The following WASF2 variants were observed in gnomAD, a reference collection of about 807,000 sequenced individuals.
WASF2 encodes the protein WASP family member 2.
Under a neutral mutation model 45.0 loss-of-function variants are expected in WASF2, and 14 were observed. The observed-to-expected ratio is 0.31, with a 90% confidence interval of 0.21 to 0.49. WASF2 has a LOEUF of 0.49. Among genes scored for constraint, WASF2 ranks in the 20% least tolerant of loss-of-function variants. The probability of loss-of-function intolerance (pLI) is 0.99; values close to 1 mark genes in which losing one functional copy is unlikely to be tolerated. For synonymous variants in WASF2, 200 were observed against 236.3 expected, an observed-to-expected ratio of 0.85 and a Z score of 1.41; for missense variants, 439 against 636.1, an observed-to-expected ratio of 0.69 and a Z score of 3.33.
intron 1 of WASF2, among the ~76,000 whole-genome samples, chr1:27,453,348 T>C (rs1359558755): frequency 2.6e-5 from 4 of 152,014 alleles, no homozygotes; most frequent in East Asian, 1.9e-4. Flanking sequence ...TCCCAGCACT[T>C]TGGGAGGCTG....
At chr1:27,489,252 G>GCACA (rs60315426) in intron 1 of WASF2, among the ~76,000 whole-genome samples, 1,917 of 80,268 alleles carry the variant, frequency 0.024, 37 homozygotes, top group East Asian at 0.04. Flanking sequence ...CTGTACGCGC[G>GCACA]CACACACACA....
intron 1 of WASF2, among the ~76,000 whole-genome samples, chr1:27,451,426 G>A (rs1186635392): frequency 6.6e-6 from 1 of 152,198 alleles, no homozygotes; most frequent in Non-Finnish European, 1.5e-5. Context: ...TGGCTTATGT[G>A]GCTGAAGTGC....
intron 1 of WASF2, among the ~76,000 whole-genome samples, chr1:27,443,064 C>T (rs936818404): frequency 2.7e-5 from 4 of 149,060 alleles, no homozygotes; most frequent in African/African-American, 5.0e-5. Flanking sequence ...CTCTAGAGGC[C>T]GAGATGGGGG....
chr1:27,448,367 C>T (rs867127492), intron 1 of WASF2, among the ~76,000 whole-genome samples: 2 of 152,084 alleles, frequency 1.3e-5, no homozygotes, highest in Non-Finnish European at 2.9e-5. Context: ...TTGACTAGAT[C>T]GTACTCAAAG....
chr1:27,482,984 A>C (rs1184076058), intron 1 of WASF2, among the ~76,000 whole-genome samples: 1 of 152,192 alleles, frequency 6.6e-6, no homozygotes, highest in Non-Finnish European at 1.5e-5. Flanking sequence ...CTGCTTAAGT[A>C]TTCCTGGTCG....
intron 1 of WASF2, among the ~76,000 whole-genome samples, chr1:27,439,981 A>G (rs1198661800): frequency 1.3e-5 from 2 of 152,120 alleles, no homozygotes; most frequent in African/African-American, 4.8e-5. Flanking sequence ...AGCCTTTGAG[A>G]CAGAATGAGA....
At chr1:27,454,455 T>G (rs987882293) in intron 1 of WASF2, among the ~76,000 whole-genome samples, 2 of 151,226 alleles carry the variant, frequency 1.3e-5, no homozygotes, top group Admixed American at 6.6e-5. Flanking sequence ...GCTCAAGAGA[T>G]CCTCCCAAGT....
At chr1:27,483,525 G>A (rs569530982) in intron 1 of WASF2, among the ~76,000 whole-genome samples, 6 of 152,060 alleles carry the variant, frequency 3.9e-5, no homozygotes, top group African/African-American at 1.4e-4. Context: ...AATCCCAGCT[G>A]CTACTAGGTA....
At chr1:27,408,709 A>C (rs2016713586) in intron 8 of WASF2, among the ~76,000 whole-genome samples, 1 of 152,132 alleles carries the variant, frequency 6.6e-6, no homozygotes, top group Non-Finnish European at 1.5e-5. Context: ...TCTCTAGATT[A>C]GAAGTTTTTT....
chr1:27,440,314 A>G (rs974975918), intron 1 of WASF2, among the ~76,000 whole-genome samples: 2 of 152,204 alleles, frequency 1.3e-5, no homozygotes, highest in Non-Finnish European at 2.9e-5. Context: ...GCTTGAGCTC[A>G]CGCTTTTTAG....
rs756980338 is a variant in WASF2 at position 27,409,985 on chromosome 1, G to A, written c.1046C>T (p.Pro349Leu). ...VGFGSPGTPPPPSPPSFPPHP... is the reference protein window; with the variant it reads ...VGFGSPGTPPLPSPPSFPPHP... Reference sequence around the variant, plus strand: ...AGGTGGGAAAGATGGGGGTGAGGGTGGTGGAGGCGTCCCTGGAGACCCAAA... The same window carrying A: ...AGGTGGGAAAGATGGGGGTGAGGGTAGTGGAGGCGTCCCTGGAGACCCAAA... Residue 349 changes from proline to leucine, a missense_variant, in exon 8 of 9, where the codon CCA (proline) becomes CTA (leucine). Pro to Leu is a moderately conservative substitution (Grantham distance 98). Transcript: ENST00000618852. 2.5e-6 allele frequency: 4 copies of A among 1,613,742 alleles called. No individual in the cohort carries two copies. Among genetic ancestry groups the A allele is most frequent in the South Asian group, 2.2e-5 (2 of 91,006 alleles).
At chr1:27,485,063 T>C (rs371240831) in intron 1 of WASF2, among the ~76,000 whole-genome samples, 2 of 151,976 alleles carry the variant, frequency 1.3e-5, no homozygotes, top group African/African-American at 2.4e-5. Context: ...GGCAGGAGAA[T>C]TGTTTGAACC....
intron 1 of WASF2, among the ~76,000 whole-genome samples, chr1:27,449,650 T>C (rs529524175): frequency 3.6e-4 from 55 of 152,042 alleles, no homozygotes; most frequent in Non-Finnish European, 6.2e-4. Context: ...TAGTTGCTTC[T>C]TGTGCTTTGG....
At position 27,453,015 on chromosome 1, in the gene WASF2, G is replaced by C. The variant is rs548405809; in HGVS notation, c.-43-24082C>G. On this transcript the variant is annotated intron_variant, in intron 1 of 8. Transcript: ENST00000618852. ...GAAGTCAGGAGCTTGAGACCAGCCTGGTCAACATGGTGAAACCCCATCACT... is the reference window on the plus strand; with the variant it reads ...GAAGTCAGGAGCTTGAGACCAGCCTCGTCAACATGGTGAAACCCCATCACT... Among the ~76,000 whole-genome samples, 5 of 150,286 alleles carry C rather than the reference G, an allele frequency of 3.3e-5. No individual in the cohort carries two copies. The South Asian group carries it at 1.1e-3, about 32-fold the overall frequency.
chr1:27,431,162 G>A (rs2017058013), intron 1 of WASF2, among the ~76,000 whole-genome samples: 1 of 152,148 alleles, frequency 6.6e-6, no homozygotes, highest in Non-Finnish European at 1.5e-5. Flanking sequence ...TCACTGTGTG[G>A]CAGCTGTGCC....
intron 4 of WASF2, among the ~76,000 whole-genome samples, chr1:27,417,622 A>G (rs1426934222): frequency 1.3e-5 from 2 of 152,202 alleles, no homozygotes; most frequent in Non-Finnish European, 2.9e-5. Context: ...CAGGATGACA[A>G]AACTACCAAA....
intron 3 of WASF2, 114 bp downstream of exon 3, chr1:27,418,840 A>G: frequency 7.6e-7 from 1 of 1,315,114 alleles, no homozygotes; most frequent in Non-Finnish European, 1.0e-6. Flanking sequence ...GCAGAACTCT[A>G]TAGGTCTCTG....
At chr1:27,460,534 C>T (rs2017530173) in intron 1 of WASF2, among the ~76,000 whole-genome samples, 1 of 152,190 alleles carries the variant, frequency 6.6e-6, no homozygotes, top group South Asian at 2.1e-4. Context: ...GGTGTCCATT[C>T]ACCTTGGTTT....
intron 5 of WASF2, among the ~76,000 whole-genome samples, 197 bp from the exon 6 acceptor site, chr1:27,415,160 T>A (rs182562691): frequency 7.9e-4 from 120 of 152,310 alleles, no homozygotes; most frequent in Middle Eastern, 3.4e-3. Flanking sequence ...GTGAAACATT[T>A]GCTCAATCCC....
Sources: allele counts gnomAD v4.1 joint callset (sites outside exome capture counted in the v4.1 genomes callset), GRCh38; gene constraint gnomAD v4.1.1; transcripts MANE v1.5; gene names NCBI Gene and HGNC (gene_info 2026-07-23, HGNC 2026-07-21).